The following DGKD variants were observed in gnomAD, a reference collection of about 807,000 sequenced individuals.
The protein encoded by DGKD is diacylglycerol kinase delta.
A neutral mutation model predicts 154.4 loss-of-function variants in DGKD; 68 were observed. The ratio of observed to expected loss-of-function variants is 0.44; its 90% CI spans 0.36 to 0.54. DGKD has a LOEUF of 0.54. DGKD is among the 20% of genes least tolerant of loss of function. The pLI is 0.00. For missense variants in DGKD, 1,343 were observed against 1,593.6 expected (o/e 0.84, Z 2.68); for synonymous variants, 693 against 638.0 (o/e 1.09, Z -1.30).
At chr2:233,460,487 T>C (rs928578024) in intron 24 of DGKD, 142 bp downstream of exon 24, 3 of 1,111,968 alleles carry the variant, frequency 2.7e-6, no homozygotes, top group South Asian at 1.7e-5. Flanking sequence ...AGCCTGTTTA[T>C]GTGCCCTCAG....
Position 233,438,147 on chromosome 2 carries a change from G to GATT in DGKD, c.923-69_923-67dup. 6.4e-7 allele frequency: 1 copy of GATT among 1,551,748 alleles called. No individual in the cohort carries two copies. The highest frequency in any genetic ancestry group is 1.2e-5 in the South Asian group (1 of 83,186). ...TCCTTTGGGGGGGTCTGCTGCTGCT[G>GATT]ATTCCATCAGTGGTGCCCTCAGCGT... is the stretch of plus-strand genomic sequence containing the variant. On this transcript the variant is annotated intron_variant, in intron 8 of 29. Coordinates refer to ENST00000264057, the MANE Select transcript of DGKD (RefSeq NM_152879.3). This position sits in a 1 kb window ranked among gnomAD's most constrained non-coding sequence, Gnocchi z 4.1.
At chr2:233,466,821 A>T (rs2063836941) in intron 27 of DGKD, among the ~76,000 whole-genome samples, 1 of 152,278 alleles carries the variant, frequency 6.6e-6, no homozygotes, top group Non-Finnish European at 1.5e-5. Flanking sequence ...TTTAAATCTC[A>T]TGAGAAACGC....
Position 233,446,643 on chromosome 2 carries a change from G to T in DGKD, c.1335-69G>T. 4 of 1,516,220 alleles carry T rather than the reference G, an allele frequency of 2.6e-6. No homozygotes were observed. The South Asian group carries it at 4.7e-5, about 18-fold the overall frequency. 93.9% of individuals were successfully genotyped at this position (1,516,220 alleles called of 1,614,324 possible). A position where few individuals can be genotyped will look rare whatever the true frequency, so the allele number is the denominator to read the frequency against. On this transcript the variant is annotated intron_variant, in intron 11 of 29. Transcript: ENST00000264057. The stretch of plus-strand genomic sequence containing the variant: ...ATCAAGGCTGCCAGCCGTGAAAGCG[G>T]ACGGCGCAGGGTTCACCCTTGTGGG...
chr2:233,370,339 C>G (rs1007629840), intron 1 of DGKD, among the ~76,000 whole-genome samples: 2 of 151,940 alleles, frequency 1.3e-5, no homozygotes, highest in Admixed American at 6.6e-5. Context: ...TCAGCCCCCC[C>G]AGTAGCTGGC....
At chr2:233,384,035 AT>A (rs1703035746) in intron 1 of DGKD, among the ~76,000 whole-genome samples, 1 of 151,886 alleles carries the variant, frequency 6.6e-6, no homozygotes, top group Non-Finnish European at 1.5e-5. Context: ...TGACAAAAAA[AT>A]AGCAAGGTCA....
At chr2:233,403,325 C>T (rs892916132) in intron 3 of DGKD, among the ~76,000 whole-genome samples, 2 of 151,932 alleles carry the variant, frequency 1.3e-5, no homozygotes, top group Non-Finnish European at 1.5e-5. Context: ...TTTGGGAGGC[C>T]GAGGCAGGCG....
In DGKD at chr2:233,445,622, G is replaced by C; in HGVS notation, c.1195-1G>C. On this transcript the variant is annotated splice_acceptor_variant, in intron 10 of 29. Transcript: ENST00000264057. LOFTEE classifies it high-confidence loss of function. This position sits in a 1 kb window ranked among gnomAD's most constrained non-coding sequence, Gnocchi z 5.5. ...GCGCATCGTCCCCCATGTTTCCTTA[G>C]TGTCAGCTGGGAGTGCTGCCGCTCG... 6.2e-7 allele frequency: 1 copy of C among 1,605,736 alleles called. No individual in the cohort carries two copies. The highest frequency in any genetic ancestry group is 8.5e-7 in the Non-Finnish European group (1 of 1,175,944).
Position 233,459,357 on chromosome 2 carries a change from A to T in DGKD, c.2695-400A>T, listed in dbSNP as rs976635451. 6.6e-6 allele frequency among the ~76,000 whole-genome samples: 1 copy of T among 152,168 alleles called. No individual in the cohort carries two copies. Among genetic ancestry groups the T allele is most frequent in the African/African-American group, 2.4e-5 (1 of 41,444 alleles). ...GCAATGTTTGTTGTTGAAAAGGAGG[A>T]ACGGGATGATGATGGATGGCTCATC... On this transcript the variant is annotated intron_variant, in intron 22 of 29. Transcript: ENST00000264057. This position sits in a 1 kb window ranked among gnomAD's most constrained non-coding sequence, Gnocchi z 5.7.
rs1010416556 is a variant in DGKD, at chr2:233,395,922, G to C, written c.348+5439G>C. On this transcript the variant is annotated intron_variant, in intron 3 of 29. Coordinates refer to ENST00000264057, the MANE Select transcript of DGKD (RefSeq NM_152879.3). ...TTGGTCAAGCTTTGTGTATTACTGA[G>C]GGTTTAGTCACAGAGAACATGCTAC... Among the ~76,000 whole-genome samples, 5 of 152,222 alleles carry C rather than the reference G, an allele frequency of 3.3e-5. No homozygotes were observed. The East Asian group carries it at 9.6e-4, about 29-fold the overall frequency.
chr2:233,377,344 A>G (rs973584004), intron 1 of DGKD, among the ~76,000 whole-genome samples: 4 of 152,220 alleles, frequency 2.6e-5, no homozygotes, highest in Admixed American at 2.0e-4. Flanking sequence ...TCGGCCTCCC[A>G]AAGTGCTGGG....
At chr2:233,387,874 T>C (rs1044845212) in intron 1 of DGKD, among the ~76,000 whole-genome samples, 4 of 152,144 alleles carry the variant, frequency 2.6e-5, no homozygotes, top group African/African-American at 7.2e-5. Context: ...GGGCCAAGAA[T>C]AGCTGAAAAA....
At position 233,398,463 on chromosome 2, in the gene DGKD, T is replaced by A. The variant is rs142982073; in HGVS notation, c.348+7980T>A. 4.9e-3 allele frequency among the ~76,000 whole-genome samples: 744 copies of A among 152,144 alleles called. 2 individuals carry two copies. Among genetic ancestry groups the A allele is most frequent in the African/African-American group, 0.017 (718 of 41,498 alleles). On this transcript the variant is annotated intron_variant, in intron 3 of 29. Transcript: ENST00000264057. ...CCCGGCCAATAGGTAAAATATTTTT[T>A]AAAAGTTTTCTGTTTAACAAAGTCA...
chr2:233,442,214 A>C, intron 10 of DGKD: 1 of 667,720 alleles, frequency 1.5e-6, no homozygotes, highest in Non-Finnish European at 2.8e-6. Flanking sequence ...GCCATGATGT[A>C]TGAGGGGGAC....
intron 3 of DGKD, among the ~76,000 whole-genome samples, chr2:233,409,666 A>T (rs2061774001): frequency 6.6e-6 from 1 of 151,958 alleles, no homozygotes; most frequent in South Asian, 2.1e-4. Flanking sequence ...TCAAATTAAG[A>T]TAATTTCCTG....
intron 3 of DGKD, among the ~76,000 whole-genome samples, chr2:233,432,174 G>A (rs796484523): frequency 6.2e-5 from 9 of 144,258 alleles, no homozygotes; most frequent in South Asian, 2.1e-4. Context: ...GGCGGATCAC[G>A]AGGTCAGGAG....
chr2:233,377,659 G>T (rs1444243160), intron 1 of DGKD, among the ~76,000 whole-genome samples: 1 of 152,094 alleles, frequency 6.6e-6, no homozygotes, highest in Non-Finnish European at 1.5e-5. Context: ...ATTCCTAGGA[G>T]TGGGCTTGCT....
intron 3 of DGKD, among the ~76,000 whole-genome samples, chr2:233,431,008 G>A (rs1483046765): frequency 6.6e-6 from 1 of 152,098 alleles, no homozygotes; most frequent in Admixed American, 6.6e-5. Context: ...AGAAATAAAG[G>A]GTATCCAAAT....
At chr2:233,375,124 T>C (rs562417383) in intron 1 of DGKD, among the ~76,000 whole-genome samples, 1 of 152,190 alleles carries the variant, frequency 6.6e-6, no homozygotes, top group South Asian at 2.1e-4. Context: ...ATCCTGTCTC[T>C]ACTAAAAATA....
In DGKD at chr2:233,462,719, C is replaced by T. The variant is rs144172723; in HGVS notation, c.3170C>T (p.Ser1057Phe). The stretch of plus-strand genomic sequence containing the variant: ...CGCAGTGAGACGGAGCTGCTGCTGT[C>T]TGGGAAGATGGCCCTGGTAAGCTGG... ...ALRSETELLL[S>F]GKMALQLDPP... Residue 1057 changes from serine (S) to phenylalanine (F), a missense_variant, in exon 26 of 30, where the codon TCT becomes TTT. Transcript: ENST00000264057. 1.6e-4 allele frequency: 252 copies of T among 1,613,856 alleles called. No homozygotes were observed. Among genetic ancestry groups the T allele is most frequent in the South Asian group, 1.1e-3 (100 of 91,084 alleles).
Sources: gnomAD v4.1 joint callset for allele counts (sites outside exome capture counted in the v4.1 genomes callset) on GRCh38, gnomAD v4.1.1 for gene constraint, Gnocchi (gnomAD v3.1) non-coding constraint, MANE v1.5 for transcripts, NCBI Gene and HGNC (gene_info 2026-07-23, HGNC 2026-07-21) for gene names.